Variants in TRIM44 observed in about 807,000 individuals in gnomAD.
The protein encoded by TRIM44 is tripartite motif-containing protein 44.
Under a neutral mutation model 37.4 loss-of-function variants are expected in TRIM44, and 13 were observed. That is an observed-to-expected ratio of 0.35 (90% CI 0.23 to 0.55). TRIM44 has a LOEUF of 0.55. Among genes scored for constraint, TRIM44 ranks in the 20% least tolerant of loss-of-function variants. TRIM44 has a pLI of 0.89. For missense variants in TRIM44, 426 were observed against 437.2 expected (o/e 0.97, Z 0.23); for synonymous variants, 175 against 157.2 (o/e 1.11, Z -0.85).
intron 1 of TRIM44, among the ~76,000 whole-genome samples, chr11:35,665,349 A>G (rs181188012): frequency 6.6e-6 from 1 of 152,108 alleles, no homozygotes; most frequent in Non-Finnish European, 1.5e-5. Context: ...ATCACTATGA[A>G]GAGTATATGA....
chr11:35,666,819 C>CTTTTT (rs1851337761), intron 1 of TRIM44, among the ~76,000 whole-genome samples: 1 of 150,238 alleles, frequency 6.7e-6, no homozygotes, highest in Non-Finnish European at 1.5e-5. Context: ...ATATGATTAA[C>CTTTTT]TTTTATATAT....
chr11:35,700,706 C>CT (rs1397197991), intron 2 of TRIM44, among the ~76,000 whole-genome samples: 1 of 152,150 alleles, frequency 6.6e-6, no homozygotes, highest in African/African-American at 2.4e-5. Context: ...TATATAAAAT[C>CT]TCTTTTCTTT....
intron 3 of TRIM44, among the ~76,000 whole-genome samples, chr11:35,730,704 T>A (rs1271439710): frequency 2.0e-5 from 3 of 152,224 alleles, no homozygotes; most frequent in Admixed American, 2.0e-4. Context: ...TGGTTTTCAT[T>A]TAAAGGTATT....
chr11:35,665,308 A>G (rs1366460172), intron 1 of TRIM44, among the ~76,000 whole-genome samples: 3 of 152,144 alleles, frequency 2.0e-5, no homozygotes, highest in South Asian at 2.1e-4. Context: ...CATGTTGCCA[A>G]CTATTTTCCA....
intron 4 of TRIM44, among the ~76,000 whole-genome samples, chr11:35,754,825 G>A (rs1398440655): frequency 6.6e-6 from 1 of 152,128 alleles, no homozygotes; most frequent in African/African-American, 2.4e-5. Context: ...CCCTACAAAG[G>A]ACATGAACTC....
At chr11:35,785,754 C>A (rs1390148196) in intron 4 of TRIM44, among the ~76,000 whole-genome samples, 1 of 152,218 alleles carries the variant, frequency 6.6e-6, no homozygotes, top group East Asian at 1.9e-4. Context: ...GCCTATATAA[C>A]TGAAGCAAAG....
intron 4 of TRIM44, among the ~76,000 whole-genome samples, chr11:35,781,535 T>C (rs1853065787): frequency 6.6e-6 from 1 of 152,042 alleles, no homozygotes. Context: ...TATGCCAGAG[T>C]CAGTGGGAAG....
intron 4 of TRIM44, among the ~76,000 whole-genome samples, chr11:35,762,600 G>A (rs1852743940): frequency 2.0e-5 from 3 of 152,128 alleles, no homozygotes; most frequent in Admixed American, 1.3e-4. Flanking sequence ...GTGTAGGAGA[G>A]TCAAGATCAT....
At chr11:35,762,123 G>A (rs541620959) in intron 4 of TRIM44, among the ~76,000 whole-genome samples, 3 of 152,302 alleles carry the variant, frequency 2.0e-5, no homozygotes, top group Admixed American at 1.3e-4. Context: ...GCCAGTGACC[G>A]TGCAGGCTGC....
At chr11:35,743,978 CA>C (rs1291753378) in intron 4 of TRIM44, among the ~76,000 whole-genome samples, 1 of 152,130 alleles carries the variant, frequency 6.6e-6, no homozygotes, top group East Asian at 1.9e-4. Context: ...AACTTGATGT[CA>C]ACATTATGAA....
At chr11:35,799,126 T>G (rs1347086038) in intron 4 of TRIM44, among the ~76,000 whole-genome samples, 1 of 152,268 alleles carries the variant, frequency 6.6e-6, no homozygotes, top group African/African-American at 2.4e-5. Flanking sequence ...CAAGCCTGCC[T>G]GTTACTTCCG....
At chr11:35,734,516 T>G (rs1852306018) in intron 3 of TRIM44, among the ~76,000 whole-genome samples, 1 of 152,172 alleles carries the variant, frequency 6.6e-6, no homozygotes, top group Non-Finnish European at 1.5e-5. Context: ...TCATTCATTC[T>G]CCGAGGAGTA....
intron 4 of TRIM44, among the ~76,000 whole-genome samples, chr11:35,766,725 C>T (rs1436006242): frequency 1.3e-5 from 2 of 152,172 alleles, no homozygotes; most frequent in East Asian, 1.9e-4. Context: ...TTTATTAGTT[C>T]CATCTCTTAC....
intron 4 of TRIM44, among the ~76,000 whole-genome samples, chr11:35,795,007 A>G (rs550651062): frequency 6.6e-6 from 1 of 152,356 alleles, no homozygotes; most frequent in African/African-American, 2.4e-5. Context: ...ACAGCATCTG[A>G]AAAGATGATA....
intron 2 of TRIM44, among the ~76,000 whole-genome samples, chr11:35,689,024 C>G (rs905613707): frequency 6.6e-6 from 1 of 152,038 alleles, no homozygotes; most frequent in African/African-American, 2.4e-5. Flanking sequence ...ACAAGTTGAG[C>G]AGAGGTAGGA....
intron 2 of TRIM44, chr11:35,724,240 T>G (rs902169891): frequency 6.6e-6 from 1 of 152,274 alleles, no homozygotes; most frequent in Non-Finnish European, 1.5e-5. Flanking sequence ...TACCCCCTCC[T>G]GTAGGCTTTG....
At chr11:35,723,639 A>T (rs1033934718) in intron 2 of TRIM44, among the ~76,000 whole-genome samples, 3 of 152,192 alleles carry the variant, frequency 2.0e-5, no homozygotes, top group African/African-American at 7.2e-5. Flanking sequence ...AAAATCCATG[A>T]CTCATTCACC....
At chr11:35,779,906 A>G (rs1853038520) in intron 4 of TRIM44, among the ~76,000 whole-genome samples, 1 of 148,344 alleles carries the variant, frequency 6.7e-6, no homozygotes, top group African/African-American at 2.5e-5. Context: ...GTCAAAGATC[A>G]GATGGCTATA....
chr11:35,792,111 A>ACACACACACACACACACTCTCTCT (rs796092540), intron 4 of TRIM44, among the ~76,000 whole-genome samples: 149 of 114,304 alleles, frequency 1.3e-3, no homozygotes, highest in Non-Finnish European at 1.8e-3. Flanking sequence ...ACACACACAC[A>ACACACACACACACACACTCTCTCT]CTCTCTCTCA....
Sources: allele counts gnomAD v4.1 joint callset (sites outside exome capture counted in the v4.1 genomes callset), GRCh38; gene constraint gnomAD v4.1.1; transcripts MANE v1.5; gene names NCBI Gene and HGNC (gene_info 2026-07-23, HGNC 2026-07-21).